EFS: variants seen among roughly 807,000 people sequenced by gnomAD.
EFS encodes embryonal Fyn-associated substrate.
A neutral mutation model predicts 42.2 loss-of-function variants in EFS; 34 were observed. The observed-to-expected ratio is 0.81, with a 90% CI of 0.61 to 1.07. EFS has a LOEUF of 1.07. EFS is among the 50% of genes least tolerant of loss of function. EFS has a pLI of 0.00. For synonymous variants in EFS, 299 were observed against 320.7 expected (o/e 0.93, Z 0.72); for missense variants, 717 against 729.4 (o/e 0.98, Z 0.20).
chr14:23,362,587 T>C (rs1890188056), intron 1 of EFS, among the ~76,000 whole-genome samples: 2 of 152,242 alleles, frequency 1.3e-5, no homozygotes, highest in South Asian at 4.1e-4. Flanking sequence ...CAAAGAAACG[T>C]GCTAACCAGA....
Position 23,360,606 on chromosome 14 carries a change from G to A in EFS, c.246C>T (p.Ala82=). ...GGGCTGGATATGGTGAGCCAGGCTG[G>A]GCTGGGGACGCAGGAGAGAGGCTGG... ...PKPSLSPASP[A]QPGSPYPAPD... The change falls in exon 2 of 6, where the codon GCC becomes GCT. Residue 82 remains alanine, a synonymous_variant. Transcript: ENST00000216733. The A allele has an allele frequency of 2.5e-6, 4 of 1,588,468 alleles. No homozygotes were observed. Among genetic ancestry groups the A allele is most frequent in the Non-Finnish European group, 2.6e-6 (3 of 1,165,740 alleles).
rs574750393 is a variant in EFS at position 23,357,235 on chromosome 14, C to T, written c.1677G>A (p.Leu559=). The T allele has an allele frequency of 6.5e-7, 1 of 1,545,244 alleles. No individual in the cohort carries two copies. The highest frequency in any genetic ancestry group is 1.2e-5 in the South Asian group (1 of 80,952). Residue 559 remains leucine (L), a synonymous_variant, in exon 6 of 6, where the codon CTG becomes CTA. Transcript: ENST00000216733. The part of the protein sequence containing the change: ...ALQFTTLLTS[L]AP ...CTGTGCCAAAGGACCTTCATGGAGC[C>T]AGGCTAGTGAGCAGGGTAGTGAATT...
intron 1 of EFS, 32 bp downstream of exon 1, chr14:23,364,975 TC>T: frequency 7.7e-7 from 1 of 1,290,888 alleles, no homozygotes; most frequent in Non-Finnish European, 9.9e-7. Context: ...TGGAGGTCTC[TC>T]CCCGGCAGCC....
At chr14:23,363,680 G>A (rs1185034861) in intron 1 of EFS, among the ~76,000 whole-genome samples, 1 of 152,200 alleles carries the variant, frequency 6.6e-6, no homozygotes, top group Non-Finnish European at 1.5e-5. Flanking sequence ...GCTCATGCCT[G>A]TAATCTCAGC....
At position 23,359,769 on chromosome 14, in the gene EFS, C is replaced by T. The variant is rs115218741; in HGVS notation, c.709G>A (p.Glu237Lys). 3,850 of 1,518,392 alleles carry T rather than the reference C, an allele frequency of 2.5e-3. 26 individuals are homozygous for T. Among genetic ancestry groups the T allele is most frequent in the Middle Eastern group, 0.01 (56 of 5,594 alleles). The allele number at this position is 1,518,392 out of a possible 1,614,324, so 94.1% of individuals were successfully genotyped here. The change falls in exon 4 of 6, where the codon GAG becomes AAG. Residue 237 changes from glutamate (E) to lysine (K), a missense_variant. Physicochemically the swap from Glu to Lys is moderately conservative, Grantham distance 56. Coordinates refer to ENST00000216733, the MANE Select transcript of EFS (RefSeq NM_005864.4). ...CCCTCCCCGTCTGCCAGCAGTTCCTCGGGTGCTTCATACAAATTGAGTAAG... is the reference window on the plus strand; with the variant it reads ...CCCTCCCCGTCTGCCAGCAGTTCCTTGGGTGCTTCATACAAATTGAGTAAG... Reference protein sequence around the residue: ...SALLNLYEAPEELLADGEGGG... With the variant: ...SALLNLYEAPKELLADGEGGG...
In EFS at chr14:23,359,403, T is replaced by C; in HGVS notation, c.1075A>G (p.Arg359Gly). The change falls in exon 4 of 6, where the codon AGG becomes GGG. Residue 359 changes from arginine (R) to glycine (G), a missense_variant. Transcript: ENST00000216733. ...GPKVEGDPEGREMEDDPAGHH... is the reference protein window; with the variant it reads ...GPKVEGDPEGGEMEDDPAGHH... Reference sequence around the variant, plus strand: ...CCTGCTGGGTCATCCTCCATCTCCCTGCCCTCTGGATCCCCCTCGACCTTG... The same window carrying C: ...CCTGCTGGGTCATCCTCCATCTCCCCGCCCTCTGGATCCCCCTCGACCTTG... 6.4e-7 allele frequency: 1 copy of C among 1,572,604 alleles called. No homozygotes were observed. Among genetic ancestry groups the C allele is most frequent in the Non-Finnish European group, 8.6e-7 (1 of 1,157,368 alleles).
chr14:23,359,694 C>G lies in EFS; in HGVS notation c.784G>C (p.Ala262Pro). The stretch of plus-strand genomic sequence containing the variant: ...CCAGGGGGCTCTGGAGAAGGGGGAG[C>G]CTCTGGCCCCAGCAGAGGCACATCG... ...IYDVPLLGPE[A>P]PPSPEPPGAL... The change falls in exon 4 of 6, where the codon GCT (alanine) becomes CCT (proline). Residue 262 changes from alanine to proline, a missense_variant. Transcript: ENST00000216733. The G allele has an allele frequency of 6.6e-7, 1 of 1,512,830 alleles. No homozygotes were observed. Among genetic ancestry groups the G allele is most frequent in the Non-Finnish European group, 8.8e-7 (1 of 1,132,042 alleles). The allele number at this position is 1,512,830 out of a possible 1,614,324, so 93.7% of individuals were successfully genotyped here.
intron 5 of EFS, 41 bp downstream of exon 5, chr14:23,358,835 T>C: frequency 1.3e-6 from 2 of 1,539,400 alleles, no homozygotes; most frequent in South Asian, 1.2e-5. Flanking sequence ...CATTCCTCCC[T>C]CCCCTGTCCC....
intron 1 of EFS, 134 bp downstream of exon 1, chr14:23,364,874 G>T: frequency 2.6e-6 from 2 of 780,020 alleles, no homozygotes; most frequent in Non-Finnish European, 1.8e-6. Flanking sequence ...AAAGTGAGAG[G>T]AGGGGGACAC....
rs551104495 is a variant in EFS at position 23,362,953 on chromosome 14, G to A, written c.18+2055C>T. On this transcript the variant is annotated intron_variant, in intron 1 of 5. Transcript: ENST00000216733. ...TTTTGAGACGGAGTTTTGCTCTGTC[G>A]CCCAGGCTGGAGTGCAGTGGTGCGA... 3.0e-4 allele frequency among the ~76,000 whole-genome samples: 43 copies of A among 145,250 alleles called. No homozygotes were observed. The South Asian group carries it at 3.1e-3, about 10-fold the overall frequency.
Position 23,360,039 on chromosome 14 carries a change from C to A in EFS, c.439G>T (p.Val147Phe), listed in dbSNP as rs1219602927. 2.4e-5 allele frequency: 39 copies of A among 1,613,016 alleles called. No individual in the cohort carries two copies. The highest frequency in any genetic ancestry group is 3.3e-5 in the Non-Finnish European group (39 of 1,179,702). ...AGGGCGGTGGGGGGCACATCGTAGA[C>A]CTGCGGAAAGGAGTGGTCAGTCATC... ...QLAAPRDALE[V>F]YDVPPTALRV... is the part of the protein sequence containing the mutation. Residue 147 changes from valine to phenylalanine, a missense_variant and splice_region_variant, in exon 4 of 6, where the codon GTC (valine) becomes TTC (phenylalanine). Coordinates refer to ENST00000216733, the MANE Select transcript of EFS (RefSeq NM_005864.4).
Position 23,365,024 on chromosome 14 carries a change from ATGGCTT to A in EFS, c.-5_1del. ...TGGACTCACCGACGTGGCAATGGCC[ATGGCTT>A]TGGCCTCCCGCGCAGCCTGCCTCAG... On this transcript the variant is annotated start_lost and start_retained_variant and 5_prime_UTR_variant, in exon 1 of 6. Transcript: ENST00000216733. The surrounding 1 kb of genome is among the most constrained non-coding windows in gnomAD (Gnocchi z 5.3). The A allele has an allele frequency of 7.5e-7, 1 of 1,339,524 alleles. No individual in the cohort carries two copies. Among genetic ancestry groups the A allele is most frequent in the East Asian group, 2.9e-5 (1 of 34,940 alleles). 83.0% of individuals were successfully genotyped at this position (1,339,524 alleles called of 1,614,324 possible).
rs2231808 is a variant in EFS at position 23,358,865 on chromosome 14, G to C, written c.1251+11C>G. On this transcript the variant is annotated intron_variant, in intron 5 of 5. Transcript: ENST00000216733. Reference sequence around the variant, plus strand: ...TGTCCCCTTCTCTAGCACCATTCCCGCCAGGGTCACCTGCGGCGCCGGCAT... The same window carrying C: ...TGTCCCCTTCTCTAGCACCATTCCCCCCAGGGTCACCTGCGGCGCCGGCAT... 2.5e-6 allele frequency: 4 copies of C among 1,603,476 alleles called. No homozygotes were observed. The South Asian group carries it at 4.5e-5, about 18-fold the overall frequency.
At chr14:23,362,325 A>G (rs1397315316) in intron 1 of EFS, among the ~76,000 whole-genome samples, 1 of 152,166 alleles carries the variant, frequency 6.6e-6, no homozygotes, top group Non-Finnish European at 1.5e-5. Flanking sequence ...CGGACTGACT[A>G]ATTCAGCAAA....
At chr14:23,358,798 GAT>G in intron 5 of EFS, 76 bp downstream of exon 5, 3 of 1,341,804 alleles carry the variant, frequency 2.2e-6, no homozygotes, top group Non-Finnish European at 3.1e-6. Flanking sequence ...TTCCACGGTT[GAT>G]GGCTCAGTTC....
rs754754512 is a variant in EFS, at chr14:23,360,845, G to A, written c.19-12C>T. On this transcript the variant is annotated splice_polypyrimidine_tract_variant and intron_variant, in intron 1 of 5. Transcript: ENST00000216733. ...CGGGCCAGCTGGGTCTGGTTGGGGA[G>A]GTGGGAGTGGGGAGAAGGGTCTTCA... is the stretch of plus-strand genomic sequence containing the variant. The A allele has an allele frequency of 3.1e-6, 5 of 1,603,210 alleles. No homozygotes were observed. In the Admixed American group the frequency reaches 8.4e-5, roughly 27 times the overall value.
At chr14:23,364,235 A>C (rs1296361752) in intron 1 of EFS, among the ~76,000 whole-genome samples, 2 of 152,226 alleles carry the variant, frequency 1.3e-5, no homozygotes, top group Non-Finnish European at 2.9e-5. Flanking sequence ...AGTTCTGTCC[A>C]ATGGAGCCAA....
In EFS at chr14:23,358,919, G is replaced by A. The variant is rs758343175; in HGVS notation, c.1208C>T (p.Thr403Ile). 8 of 1,613,268 alleles carry A rather than the reference G, an allele frequency of 5.0e-6. No homozygotes were observed. The highest frequency in any genetic ancestry group is 6.8e-6 in the Non-Finnish European group (8 of 1,179,708). ...CCTCTCGGGCAGTTCAGGATCCCCT[G>A]TGCAGGCCTGATCCGGGGGCCTAGA... is the stretch of plus-strand genomic sequence containing the variant. ...QGSRPPDQAC[T>I]GDPELPERGM... The change falls in exon 5 of 6, where the codon ACA becomes ATA. Residue 403 changes from threonine to isoleucine, a missense_variant. Physicochemically the swap from Thr to Ile is moderately conservative, Grantham distance 89. Transcript: ENST00000216733.
chr14:23,359,742 C>T lies in EFS; in HGVS notation c.736G>A (p.Gly246Arg), dbSNP rs768200523. The change falls in exon 4 of 6, where the codon GGG (glycine) becomes AGG (arginine). Residue 246 changes from glycine (G) to arginine (R), a missense_variant. By Grantham distance (125) the Gly-to-Arg change is moderately radical. Coordinates refer to ENST00000216733, the MANE Select transcript of EFS (RefSeq NM_005864.4). Reference protein sequence around the residue: ...PEELLADGEGGGTDEGIYDVP... With the variant: ...PEELLADGEGRGTDEGIYDVP... ...TCGTAGATCCCCTCATCAGTGCCCC[C>T]GCCCTCCCCGTCTGCCAGCAGTTCC... The T allele has an allele frequency of 9.9e-6, 15 of 1,516,096 alleles. No homozygotes were observed. The highest frequency in any genetic ancestry group is 1.8e-4 in the Middle Eastern group (1 of 5,604). 93.9% of individuals were successfully genotyped at this position (1,516,096 alleles called of 1,614,324 possible). A position where few individuals can be genotyped will look rare whatever the true frequency, so the allele number is the denominator to read the frequency against.
Sources: gnomAD v4.1 joint callset for allele counts (sites outside exome capture counted in the v4.1 genomes callset) on GRCh38, gnomAD v4.1.1 for gene constraint, Gnocchi (gnomAD v3.1) non-coding constraint, MANE v1.5 for transcripts, NCBI Gene and HGNC (gene_info 2026-07-23, HGNC 2026-07-21) for gene names.